CFAP47: variants seen among roughly 807,000 people sequenced by gnomAD.
CFAP47 encodes cilia- and flagella-associated protein 47.
A neutral mutation model predicts 148.1 loss-of-function variants in CFAP47; 29 were observed. The observed-to-expected ratio is 0.20, with a 90% CI of 0.15 to 0.27. The LOEUF is 0.27. CFAP47 is among the 10% of genes least tolerant of loss of function. CFAP47 has a pLI of 1.00. For synonymous variants in CFAP47, 664 were observed against 577.3 expected (o/e 1.15, Z -2.15); for missense variants, 1,872 against 1,697.5 (o/e 1.10, Z -1.81).
intron 33 of CFAP47, among the ~76,000 whole-genome samples, chrX:36,137,210 T>G (rs1308940941): frequency 9.0e-6 from 1 of 111,203 alleles, no homozygotes; most frequent in Non-Finnish European, 1.9e-5. Context: ...CATTTGCCCC[T>G]TGTTTTCAGA....
intron 16 of CFAP47, among the ~76,000 whole-genome samples, chrX:35,990,613 A>G (rs1936777721): frequency 9.0e-6 from 1 of 111,338 alleles, no homozygotes; most frequent in Admixed American, 9.6e-5. Flanking sequence ...CTTCTTTTCC[A>G]TACTTAGGTG....
chrX:36,304,677 C>A (rs1941332141), intron 54 of CFAP47, among the ~76,000 whole-genome samples: 1 of 110,631 alleles, frequency 9.0e-6, no homozygotes, highest in Admixed American at 9.7e-5. Flanking sequence ...CTTGCCCATC[C>A]CCCATTCCTC....
At chrX:36,213,279 T>C (rs782292357) in intron 45 of CFAP47, among the ~76,000 whole-genome samples, 1 of 111,456 alleles carries the variant, frequency 9.0e-6, no homozygotes, top group African/African-American at 3.3e-5. Flanking sequence ...TCTTTTAACA[T>C]TTTTTGACTT....
chrX:36,179,354 G>A lies in CFAP47; in HGVS notation c.6036G>A (p.Leu2012=), dbSNP rs1487885649. The change falls in exon 40 of 64, where the codon TTG becomes TTA. Residue 2012 remains leucine (L), a synonymous_variant. Transcript: ENST00000378653. The part of the protein sequence containing the change: ...FHTAGDFSVI[L]VESSTFVSSP... The stretch of plus-strand genomic sequence containing the variant: ...TCTTCATTTATTCCAGTGTCATTTT[G>A]GTGGAATCCTCAACATTTGTCTCTT... The A allele has an allele frequency of 3.4e-6, 1 of 295,132 alleles. No homozygotes were observed. Among genetic ancestry groups the A allele is most frequent in the African/African-American group, 2.7e-5 (1 of 36,431 alleles). 24.3% of individuals were successfully genotyped at this position (295,132 alleles called of 1,213,427 possible).
intron 8 of CFAP47, among the ~76,000 whole-genome samples, chrX:35,959,939 T>C (rs1353095310): frequency 9.3e-6 from 1 of 107,696 alleles, no homozygotes; most frequent in Non-Finnish European, 1.9e-5. Context: ...GATTTAGAGG[T>C]TGAAATGTAT....
chrX:36,384,855 C>A lies in CFAP47; in HGVS notation c.9413C>A (p.Pro3138Gln). 1 of 1,165,897 alleles carries A rather than the reference C, an allele frequency of 8.6e-7. No homozygotes were observed. The highest frequency in any genetic ancestry group is 1.1e-6 in the Non-Finnish European group (1 of 871,683). The change falls in exon 64 of 64, where the codon CCA becomes CAA. Residue 3138 changes from proline to glutamine, a missense_variant. By Grantham distance (76) the Pro-to-Gln change is moderately conservative (BLOSUM62 -1). Coordinates refer to ENST00000378653, the MANE Select transcript of CFAP47 (RefSeq NM_001304548.2). ...GGATTAACTCCAACTACCGTGCCAC[C>A]AAAAAATGCAAAAGCCAAAATTGAT... is the stretch of plus-strand genomic sequence containing the variant. ...INGLTPTTVP[P>Q]KNAKAKIDAT...
At chrX:36,336,237 A>G (rs1351014953) in intron 57 of CFAP47, among the ~76,000 whole-genome samples, 3 of 55,297 alleles carry the variant, frequency 5.4e-5, no homozygotes, top group African/African-American at 1.7e-4. Flanking sequence ...TCTGTCACAG[A>G]CACACAGACA....
At chrX:36,049,505 C>T (rs955747932) in intron 26 of CFAP47, among the ~76,000 whole-genome samples, 6 of 109,098 alleles carry the variant, frequency 5.5e-5, no homozygotes, top group Admixed American at 1.0e-4. Context: ...CACACACACA[C>T]ACACACACAC....
intron 19 of CFAP47, among the ~76,000 whole-genome samples, 190 bp downstream of exon 19, chrX:35,997,579 T>C (rs1465136080): frequency 9.0e-6 from 1 of 111,577 alleles, no homozygotes; most frequent in African/African-American, 3.2e-5. Context: ...AAACAGAATA[T>C]TGAATGAAGG....
intron 61 of CFAP47, 77 bp from the exon 62 acceptor site, chrX:36,366,889 C>T: frequency 1.0e-5 from 6 of 584,073 alleles, no homozygotes; most frequent in East Asian, 4.2e-5. Flanking sequence ...ACATTTTTAC[C>T]TTAGTTTAGT....
chrX:36,014,246 T>C (rs1937072335), intron 21 of CFAP47, among the ~76,000 whole-genome samples: 1 of 112,044 alleles, frequency 8.9e-6, no homozygotes, highest in Non-Finnish European at 1.9e-5. Flanking sequence ...CACCAACTTT[T>C]TTCATTAGTT....
At position 35,995,903 on chromosome X, in the gene CFAP47, CA is replaced by C. The variant is rs781591057; in HGVS notation, c.3100-1408del. On this transcript the variant is annotated intron_variant, in intron 18 of 63. Transcript: ENST00000378653. ...GGGTTGATTGGGAGAATATTACATACACATCACAGGCTTCAAAGTCTCTTCG... is the reference window on the plus strand; with the variant it reads ...GGGTTGATTGGGAGAATATTACATACCATCACAGGCTTCAAAGTCTCTTCG... Among the ~76,000 whole-genome samples the C allele has an allele frequency of 1.2e-4, 13 of 111,566 alleles. No individual in the cohort carries two copies. In the East Asian group the frequency reaches 3.7e-3, roughly 31 times the overall value.
chrX:36,138,653 A>G (rs1470817782), intron 35 of CFAP47, among the ~76,000 whole-genome samples, 189 bp downstream of exon 35: 2 of 111,245 alleles, frequency 1.8e-5, no homozygotes, highest in Non-Finnish European at 1.9e-5. Context: ...TAAAATTTGT[A>G]TAATTATATA....
intron 22 of CFAP47, among the ~76,000 whole-genome samples, chrX:36,026,842 T>G (rs903572302): frequency 1.0e-4 from 11 of 110,324 alleles, no homozygotes; most frequent in Non-Finnish European, 1.9e-4. Context: ...GTATCATTTT[T>G]CCTCCCACAT....
At chrX:36,123,442 A>T (rs1938782329) in intron 33 of CFAP47, among the ~76,000 whole-genome samples, 1 of 111,480 alleles carries the variant, frequency 9.0e-6, no homozygotes, top group Non-Finnish European at 1.9e-5. Context: ...AAAGTCAAAA[A>T]CCTTTATAGT....
intron 37 of CFAP47, among the ~76,000 whole-genome samples, chrX:36,151,211 A>G (rs974643574): frequency 1.8e-5 from 2 of 112,104 alleles, no homozygotes; most frequent in Admixed American, 1.9e-4. Flanking sequence ...ATAAATGTGC[A>G]CGGTAGAAAA....
At chrX:36,012,159 G>A (rs998925591) in intron 21 of CFAP47, among the ~76,000 whole-genome samples, 1 of 111,269 alleles carries the variant, frequency 9.0e-6, no homozygotes, top group Non-Finnish European at 1.9e-5. Context: ...TAAAAAGTCA[G>A]GAAACAATAG....
chrX:36,116,309 C>G (rs187002375), intron 33 of CFAP47, among the ~76,000 whole-genome samples: 336 of 112,039 alleles, frequency 3.0e-3, no homozygotes, highest in African/African-American at 0.01. Context: ...AGTGAGAACA[C>G]GTGGTATTTG....
At chrX:36,066,270 C>T (rs1601956847) in intron 27 of CFAP47, among the ~76,000 whole-genome samples, 1 of 108,596 alleles carries the variant, frequency 9.2e-6, no homozygotes, top group East Asian at 2.9e-4. Flanking sequence ...GAGTGGGTAA[C>T]AAAAAAAAAT....
Sources: allele counts gnomAD v4.1 joint callset (sites outside exome capture counted in the v4.1 genomes callset), GRCh38; gene constraint gnomAD v4.1.1; transcripts MANE v1.5; gene names NCBI Gene and HGNC (gene_info 2026-07-23, HGNC 2026-07-21).